TMEM182: variants seen among roughly 807,000 people sequenced by gnomAD.
The protein encoded by TMEM182 is transmembrane protein 182.
TMEM182 carries 20 observed loss-of-function variants against 26.8 expected under a neutral mutation model. The observed-to-expected ratio is 0.75, with a 90% confidence interval of 0.53 to 1.09. The LOEUF (loss-of-function observed/expected upper bound fraction) is 1.09. Among genes scored for constraint, TMEM182 ranks in the 50% least tolerant of loss-of-function variants. TMEM182 has a pLI of 0.00. For missense variants in TMEM182, 277 were observed against 275.5 expected (o/e 1.01, Z -0.04); for synonymous variants, 109 against 102.2 (o/e 1.07, Z -0.40).
chr2:102,843,756 C>T (rs1683397931), exon 4 of TMEM182: 1 of 152,222 alleles, frequency 6.6e-6, no homozygotes, highest in African/African-American at 2.4e-5. Flanking sequence ...TCCTACTATA[C>T]CATGCCTTAT....
At chr2:102,782,914 AT>A (rs1368357752) in intron 3 of TMEM182, among the ~76,000 whole-genome samples, 1 of 152,166 alleles carries the variant, frequency 6.6e-6, no homozygotes, top group African/African-American at 2.4e-5. Flanking sequence ...AATATAATTG[AT>A]TTTTATCAGC....
At chr2:102,754,634 G>A (rs1679979366) in intron 1 of TMEM182, among the ~76,000 whole-genome samples, 1 of 152,222 alleles carries the variant, frequency 6.6e-6, no homozygotes, top group African/African-American at 2.4e-5. Flanking sequence ...GTTAGGTGTT[G>A]AGCAATGGCA....
intron 4 of TMEM182, among the ~76,000 whole-genome samples, chr2:102,814,109 G>C (rs956178520): frequency 6.7e-6 from 1 of 149,950 alleles, no homozygotes; most frequent in Non-Finnish European, 1.5e-5. Context: ...TATATATTTA[G>C]ATTCTGAAGA....
chr2:102,831,533 G>A (rs1268351938), intron 3 of TMEM182, among the ~76,000 whole-genome samples: 1 of 152,150 alleles, frequency 6.6e-6, no homozygotes, highest in African/African-American at 2.4e-5. Context: ...GAGGTGGGCA[G>A]ATCACCTGAG....
chr2:102,821,949 C>T (rs1476993886), downstream of TMEM182, among the ~76,000 whole-genome samples: 1 of 149,756 alleles, frequency 6.7e-6, no homozygotes, highest in Admixed American at 6.7e-5. Flanking sequence ...GATCGCTCCA[C>T]TGCACTCCAA....
chr2:102,825,411 C>T (rs921490567), intron 3 of TMEM182, among the ~76,000 whole-genome samples: 10 of 152,150 alleles, frequency 6.6e-5, no homozygotes, highest in Admixed American at 4.6e-4. Context: ...TAGTTTTTTA[C>T]CTAATTGTAT....
rs1681816762 is a variant in TMEM182, at chr2:102,795,184, A to C, written c.332-2679A>C. Reference sequence around the variant, plus strand: ...ATAATTTCTTTATATTTATTTCAAGAGTATTCACCCCAGTCTATAGAAAAT... The same window carrying C: ...ATAATTTCTTTATATTTATTTCAAGCGTATTCACCCCAGTCTATAGAAAAT... On this transcript the variant is annotated intron_variant, in intron 3 of 4. Transcript: ENST00000412401. Among the ~76,000 whole-genome samples, 3 of 152,154 alleles carry C rather than the reference A, an allele frequency of 2.0e-5. No individual in the cohort carries two copies. The South Asian group carries it at 6.2e-4, about 31-fold the overall frequency.
At chr2:102,839,472 A>ATATAT (rs1558796832) in intron 3 of TMEM182, among the ~76,000 whole-genome samples, 39 of 78,578 alleles carry the variant, frequency 5.0e-4, no homozygotes, top group African/African-American at 1.6e-3. Flanking sequence ...TATATATATA[A>ATATAT]TATATACACA....
chr2:102,838,626 A>G (rs1683292364), intron 3 of TMEM182, among the ~76,000 whole-genome samples: 1 of 152,198 alleles, frequency 6.6e-6, no homozygotes, highest in Admixed American at 6.5e-5. Context: ...TGAAGAATCA[A>G]AATCCTGAAA....
chr2:102,822,322 C>T (rs4851638), downstream of TMEM182, among the ~76,000 whole-genome samples: 4 of 151,974 alleles, frequency 2.6e-5, no homozygotes, highest in East Asian at 1.9e-4. Flanking sequence ...ACTGAGCCTG[C>T]GGAGAAGTCA....
chr2:102,811,283 A>T (rs1682548377), intron 4 of TMEM182, among the ~76,000 whole-genome samples: 1 of 152,150 alleles, frequency 6.6e-6, no homozygotes, highest in Non-Finnish European at 1.5e-5. Flanking sequence ...AGATCATAGC[A>T]TTGATGCTGT....
intron 3 of TMEM182, among the ~76,000 whole-genome samples, chr2:102,782,116 G>A (rs972732833): frequency 5.9e-5 from 9 of 152,182 alleles, no homozygotes; most frequent in African/African-American, 2.2e-4. Flanking sequence ...GACCAGCGTG[G>A]CCAACGTGGC....
intron 1 of TMEM182, among the ~76,000 whole-genome samples, chr2:102,747,270 C>T (rs376223691): frequency 2.0e-5 from 3 of 152,102 alleles, no homozygotes; most frequent in East Asian, 1.9e-4. Flanking sequence ...TCTGCTGGTT[C>T]TTCAGTGTAA....
intron 1 of TMEM182, among the ~76,000 whole-genome samples, chr2:102,738,975 G>A (rs544411739): frequency 1.7e-4 from 26 of 152,272 alleles, no homozygotes; most frequent in Admixed American, 1.6e-3. Context: ...TATATTCCAC[G>A]AAGAGGCCAA....
chr2:102,809,494 T>C (rs1432374062), intron 4 of TMEM182, among the ~76,000 whole-genome samples: 2 of 152,214 alleles, frequency 1.3e-5, no homozygotes, highest in Non-Finnish European at 2.9e-5. Flanking sequence ...TGCTGCCTTC[T>C]AGGCAGCTCC....
At chr2:102,768,519 G>A (rs1680545234) in intron 3 of TMEM182, among the ~76,000 whole-genome samples, 1 of 137,840 alleles carries the variant, frequency 7.3e-6, no homozygotes, top group Non-Finnish European at 1.6e-5. Flanking sequence ...AATCCTATCT[G>A]TACTAAAAAA....
intron 1 of TMEM182, among the ~76,000 whole-genome samples, chr2:102,753,783 C>T (rs777560340): frequency 1.3e-5 from 2 of 152,206 alleles, no homozygotes; most frequent in African/African-American, 2.4e-5. Flanking sequence ...TTTAATTAAG[C>T]TCAGTAAGAT....
At chr2:102,772,956 G>GTA (rs1680743409) in intron 3 of TMEM182, among the ~76,000 whole-genome samples, 1 of 152,006 alleles carries the variant, frequency 6.6e-6, no homozygotes, top group South Asian at 2.1e-4. Flanking sequence ...GTGTGTGTGT[G>GTA]TGTGTGTGTC....
At chr2:102,789,571 C>T (rs1681546653) in intron 3 of TMEM182, among the ~76,000 whole-genome samples, 1 of 152,232 alleles carries the variant, frequency 6.6e-6, no homozygotes, top group Admixed American at 6.5e-5. Flanking sequence ...ATCTCCATCC[C>T]AGCTGCTTAG....
Sources: gnomAD v4.1 joint callset for allele counts (sites outside exome capture counted in the v4.1 genomes callset) on GRCh38, gnomAD v4.1.1 for gene constraint, MANE v1.5 for transcripts, NCBI Gene and HGNC (gene_info 2026-07-23, HGNC 2026-07-21) for gene names.